Variants in SYNRG observed in about 807,000 individuals in gnomAD.
SYNRG encodes AP1 gamma subunit binding protein 1.
A neutral mutation model predicts 130.9 loss-of-function variants in SYNRG; 37 were observed. The observed-to-expected ratio is 0.28, with a 90% CI of 0.22 to 0.37. The LOEUF is 0.37. Ranked by LOEUF, SYNRG falls within the 10% of genes least tolerant of loss-of-function variation. SYNRG has a pLI of 1.00. For missense variants in SYNRG, 1,338 were observed against 1,588.9 expected, an observed-to-expected ratio of 0.84 and a Z score of 2.68; for synonymous variants, 539 against 568.1, an observed-to-expected ratio of 0.95 and a Z score of 0.73.
In SYNRG at chr17:37,572,679, A is replaced by G. The variant is rs77355281; in HGVS notation, c.902-692T>C. ...AATTATACCAACATCACTCTTCTCC[A>G]GTAAATTAGAGGCTGTGAGAGAAAA... On this transcript the variant is annotated intron_variant, in intron 8 of 21. Coordinates refer to ENST00000612223, the MANE Select transcript of SYNRG (RefSeq NM_007247.6). Among the ~76,000 whole-genome samples the G allele has an allele frequency of 3.4e-3, 511 of 152,324 alleles. 2 individuals carry two copies. The highest frequency in any genetic ancestry group is 0.012 in the African/African-American group (487 of 41,578).
intron 13 of SYNRG, among the ~76,000 whole-genome samples, chr17:37,559,367 G>A (rs901167602): frequency 5.9e-5 from 9 of 151,962 alleles, no homozygotes; most frequent in Admixed American, 2.6e-4. Context: ...ACCAAGTACC[G>A]CAACAACAAT....
At chr17:37,607,716 G>A (rs900140309) in intron 1 of SYNRG, among the ~76,000 whole-genome samples, 1 of 152,070 alleles carries the variant, frequency 6.6e-6, no homozygotes, top group Non-Finnish European at 1.5e-5. Flanking sequence ...TTGAACCCGG[G>A]AGGTCGAGGT....
rs1435996262 is a variant in SYNRG, at chr17:37,517,934, A to AGG, written c.*1005_*1006insCC. ...CTAAAATTCAGTACTGTTTCTGGAC[A>AGG]ATTTTCTTCTACTTCTTCTAAGTCA... On this transcript the variant is annotated 3_prime_UTR_variant, in exon 22 of 22. Transcript: ENST00000612223. The AGG allele has an allele frequency of 2.6e-5, 4 of 152,206 alleles. No homozygotes were observed. Among genetic ancestry groups the AGG allele is most frequent in the Non-Finnish European group, 5.9e-5 (4 of 68,036 alleles). The allele number at this position is 152,206 out of a possible 1,614,324, so 9.4% of individuals were successfully genotyped here.
intron 19 of SYNRG, among the ~76,000 whole-genome samples, chr17:37,534,159 G>A (rs2056968424): frequency 6.6e-6 from 1 of 150,456 alleles, no homozygotes; most frequent in Non-Finnish European, 1.5e-5. Context: ...GGCCAGGCTG[G>A]TCTCGAACTC....
At position 37,568,881 on chromosome 17, in the gene SYNRG, G is replaced by A. The variant is rs745963697; in HGVS notation, c.1391C>T (p.Ala464Val). 3.7e-6 allele frequency: 6 copies of A among 1,613,876 alleles called. No individual in the cohort carries two copies. The highest frequency in any genetic ancestry group is 2.7e-5 in the African/African-American group (2 of 74,926). The change falls in exon 11 of 22, where the codon GCT becomes GTT. Residue 464 changes from alanine to valine, a missense_variant. Physicochemically the swap from Ala to Val is moderately conservative, Grantham distance 64 (BLOSUM62 0). This residue lies in a region of SYNRG where 1,146 missense variants were observed against 1,342.3 expected (regional missense o/e 0.85). Coordinates refer to ENST00000612223, the MANE Select transcript of SYNRG (RefSeq NM_007247.6). ...EEDDFQDFQDASKSGSLDDSF... is the reference protein window; with the variant it reads ...EEDDFQDFQDVSKSGSLDDSF... ...GTCATCAAGGGATCCTGACTTAGAA[G>A]CATCTTGAAAATCCTGGAAGTCATC...
chr17:37,572,718 G>A (rs1260849334), intron 8 of SYNRG, among the ~76,000 whole-genome samples: 1 of 152,136 alleles, frequency 6.6e-6, no homozygotes, highest in East Asian at 1.9e-4. Flanking sequence ...CATTGGAGAA[G>A]GTGCTACGGA....
chr17:37,563,687 C>T (rs1008692930), intron 11 of SYNRG, among the ~76,000 whole-genome samples: 2 of 152,036 alleles, frequency 1.3e-5, no homozygotes, highest in Non-Finnish European at 2.9e-5. Context: ...CAGGCATGCA[C>T]CACCATGCAC....
intron 11 of SYNRG, among the ~76,000 whole-genome samples, chr17:37,563,950 T>G (rs2059732054): frequency 1.3e-5 from 2 of 151,604 alleles, no homozygotes; most frequent in South Asian, 4.2e-4. Flanking sequence ...GTTCAGCAAT[T>G]CTCCTGCCTC....
intron 21 of SYNRG, among the ~76,000 whole-genome samples, chr17:37,519,272 C>T (rs1250874390): frequency 1.3e-5 from 2 of 152,114 alleles, no homozygotes; most frequent in Admixed American, 6.5e-5. Flanking sequence ...AAATTGTTAC[C>T]ACTAAACCTA....
At chr17:37,539,383 GT>G in intron 16 of SYNRG, 138 bp from the exon 17 acceptor site, 1 of 893,402 alleles carries the variant, frequency 1.1e-6, no homozygotes, top group Middle Eastern at 3.2e-4. Flanking sequence ...TGTTTTTTTT[GT>G]TTTTGTTTTT....
chr17:37,541,858 A>G (rs540261497), intron 15 of SYNRG, 114 bp downstream of exon 15: 2 of 1,034,600 alleles, frequency 1.9e-6, no homozygotes, highest in African/African-American at 3.2e-5. Flanking sequence ...GATTTCAAAG[A>G]TTAGAACAAT....
At chr17:37,571,325 T>C (rs566300617) in intron 9 of SYNRG, among the ~76,000 whole-genome samples, 1 of 152,334 alleles carries the variant, frequency 6.6e-6, no homozygotes, top group South Asian at 2.1e-4. Context: ...CTCATGCCTG[T>C]AATCCCAGCA....
intron 13 of SYNRG, among the ~76,000 whole-genome samples, chr17:37,556,541 C>T (rs1349201044): frequency 3.9e-5 from 5 of 129,812 alleles, no homozygotes; most frequent in African/African-American, 1.9e-4. Context: ...TTGGATATAG[C>T]AGATGAAAAA....
chr17:37,582,648 C>A (rs1445431407), intron 6 of SYNRG, among the ~76,000 whole-genome samples: 1 of 152,098 alleles, frequency 6.6e-6, no homozygotes, highest in African/African-American at 2.4e-5. Context: ...ACTGCTTGAG[C>A]CCAGGAGTTT....
At chr17:37,568,682 T>TA in intron 11 of SYNRG, 109 bp downstream of exon 11, 1 of 1,155,974 alleles carries the variant, frequency 8.7e-7, no homozygotes, top group Non-Finnish European at 1.2e-6. Context: ...CAGAAAGTAG[T>TA]AGAGTAAGGA....
chr17:37,588,248 A>G (rs1325100461), intron 3 of SYNRG, among the ~76,000 whole-genome samples: 1 of 146,912 alleles, frequency 6.8e-6, no homozygotes, highest in Non-Finnish European at 1.5e-5. Context: ...TTGAGGATTC[A>G]CTTTAAATTC....
chr17:37,599,322 T>C (rs2063061380), intron 2 of SYNRG, among the ~76,000 whole-genome samples: 1 of 152,210 alleles, frequency 6.6e-6, no homozygotes, highest in African/African-American at 2.4e-5. Flanking sequence ...CAAAATTATA[T>C]TCCTTCACTA....
intron 3 of SYNRG, among the ~76,000 whole-genome samples, chr17:37,587,280 G>A (rs2061769369): frequency 6.6e-6 from 1 of 152,112 alleles, no homozygotes; most frequent in Non-Finnish European, 1.5e-5. Flanking sequence ...AGAGTAGCTA[G>A]GGCTATAAGC....
At chr17:37,528,980 C>T (rs1480537278) in intron 19 of SYNRG, among the ~76,000 whole-genome samples, 1 of 152,206 alleles carries the variant, frequency 6.6e-6, no homozygotes, top group African/African-American at 2.4e-5. Flanking sequence ...GAAATGAATA[C>T]TCTGGTGTTC....
Sources: gnomAD v4.1 joint callset for allele counts (sites outside exome capture counted in the v4.1 genomes callset) on GRCh38, gnomAD v4.1.1 for gene constraint, gnomAD v4.1.1 regional missense constraint, MANE v1.5 for transcripts, NCBI Gene and HGNC (gene_info 2026-07-23, HGNC 2026-07-21) for gene names.